The following FAT1 variants were observed in gnomAD, a reference collection of about 807,000 sequenced individuals.
FAT1 encodes the protein FAT atypical cadherin 1, also known as protocadherin Fat 1.
In FAT1, 171 loss-of-function variants were observed where a neutral mutation model predicts 329.8. That is an observed-to-expected ratio of 0.52 (90% CI 0.46 to 0.59). FAT1 has a LOEUF of 0.59. Among genes scored for constraint, FAT1 ranks in the 20% least tolerant of loss-of-function variants. The pLI is 0.00. For synonymous variants in FAT1, 2,233 were observed against 2,228.6 expected, an observed-to-expected ratio of 1.00 and a Z score of -0.06; for missense variants, 5,672 against 5,774.4, an observed-to-expected ratio of 0.98 and a Z score of 0.57.
Position 186,628,233 on chromosome 4 carries a change from A to T in FAT1, c.4731T>A (p.Val1577=), listed in dbSNP as rs1161559902. The change falls in exon 9 of 27, where the codon GTT becomes GTA. Residue 1577 remains valine (V), a synonymous_variant. Coordinates refer to ENST00000441802, the MANE Select transcript of FAT1 (RefSeq NM_005245.4). ...YKGRVYESAA[V]GSVVLQVTAL... is the part of the protein sequence containing the mutation. The stretch of plus-strand genomic sequence containing the variant: ...CCGTCACCTGCAACACAACTGAGCC[A>T]ACGGCTGCCGATTCATAAACCCGCC... 3.7e-6 allele frequency: 6 copies of T among 1,613,836 alleles called. No individual in the cohort carries two copies. The Admixed American group carries it at 1.0e-4, about 27-fold the overall frequency.
At chr4:186,668,262 G>A (rs148435510) in intron 2 of FAT1, among the ~76,000 whole-genome samples, 32 of 152,268 alleles carry the variant, frequency 2.1e-4, no homozygotes, top group African/African-American at 6.0e-4. Context: ...GCACTAGCCC[G>A]AGATCTCTAG....
chr4:186,617,909 C>T lies in FAT1; in HGVS notation c.8677G>A (p.Gly2893Ser), dbSNP rs2126489183. ...YQIKVVASDH[G>S]EKIQLSSTAI... ...GTGGAGGATAGCTGGATCTTTTCAC[C>T]ATGATCTGATGCAACCACTTTAATC... The change falls in exon 10 of 27, where the codon GGT becomes AGT. Residue 2893 changes from glycine to serine, a missense_variant. Gly to Ser is a moderately conservative substitution (Grantham distance 56, BLOSUM62 0). Transcript: ENST00000441802. 6.2e-7 allele frequency: 1 copy of T among 1,613,982 alleles called. No individual in the cohort carries two copies. The highest frequency in any genetic ancestry group is 8.5e-7 in the Non-Finnish European group (1 of 1,179,888).
At chr4:186,594,652 G>T (rs1738408274) in intron 26 of FAT1, among the ~76,000 whole-genome samples, 1 of 121,298 alleles carries the variant, frequency 8.2e-6, no homozygotes, top group African/African-American at 3.3e-5. Context: ...GGAATAGAGT[G>T]TGTATATATA....
rs1738516553 is a variant in FAT1 at position 186,596,507 on chromosome 4, G to T, written c.13000+33C>A. The T allele has an allele frequency of 6.3e-7, 1 of 1,584,490 alleles. No individual in the cohort carries two copies. The highest frequency in any genetic ancestry group is 1.2e-5 in the South Asian group (1 of 85,176). On this transcript the variant is annotated intron_variant, in intron 25 of 26. Coordinates refer to ENST00000441802, the MANE Select transcript of FAT1 (RefSeq NM_005245.4). This position sits in a 1 kb window ranked among gnomAD's most constrained non-coding sequence, Gnocchi z 4.7. ...TGTAACCTCACTGTTTATCTCAAGTGACACTTTAGTGAGATGAAAAAGTGG... is the reference window on the plus strand; with the variant it reads ...TGTAACCTCACTGTTTATCTCAAGTTACACTTTAGTGAGATGAAAAAGTGG...
At position 186,617,091 on chromosome 4, in the gene FAT1, T is replaced by A. The variant is rs376371650; in HGVS notation, c.8989A>T (p.Thr2997Ser). The part of the protein sequence containing the change: ...EKRDNYLLTI[T>S]ATDGTFSSKA... ...GATGAGAAGGTGCCATCAGTTGCCG[T>A]GATAGTAAGAAGGTAATTGTCCCTT... is the stretch of plus-strand genomic sequence containing the variant. The change falls in exon 11 of 27, where the codon ACG becomes TCG. Residue 2997 changes from threonine to serine, a missense_variant. Transcript: ENST00000441802. 12 of 1,613,892 alleles carry A rather than the reference T, an allele frequency of 7.4e-6. No individual in the cohort carries two copies. Among genetic ancestry groups the A allele is most frequent in the Admixed American group, 1.7e-5 (1 of 60,004 alleles).
chr4:186,604,622 C>G (rs1294989717), intron 17 of FAT1, 48 bp from the exon 18 acceptor site: 1 of 1,300,728 alleles, frequency 7.7e-7, no homozygotes, highest in South Asian at 1.3e-5. Context: ...GGAACACAGC[C>G]AAATCTATAT....
rs1024452482 is a variant in FAT1, at chr4:186,708,671, A to G, written c.1157T>C (p.Val386Ala). Reference sequence around the variant, plus strand: ...AGCAGGAATGGCCTTTACCATGACCACAGGTGTGTTGGGAGGAGCAAATTC... The same window carrying G: ...AGCAGGAATGGCCTTTACCATGACCGCAGGTGTGTTGGGAGGAGCAAATTC... ...ISEFAPPNTP[V>A]VMVKAIPAYS... Residue 386 changes from valine (V) to alanine (A), a missense_variant, in exon 2 of 27, where the codon GTG (valine) becomes GCG (alanine). Physicochemically the swap from Val to Ala is moderately conservative, Grantham distance 64. This residue lies in a region of FAT1 where 3,966 missense variants were observed against 3,915.2 expected (regional missense o/e 1.01). Coordinates refer to ENST00000441802, the MANE Select transcript of FAT1 (RefSeq NM_005245.4). 1 of 1,613,782 alleles carries G rather than the reference A, an allele frequency of 6.2e-7. No homozygotes were observed. The highest frequency in any genetic ancestry group is 1.7e-5 in the Admixed American group (1 of 59,990).
rs1393821688 is a variant in FAT1, at chr4:186,709,353, G to A, written c.475C>T (p.Pro159Ser). The change falls in exon 2 of 27, where the codon CCT (proline) becomes TCT (serine). Residue 159 changes from proline (P) to serine (S), a missense_variant. Pro to Ser is a moderately conservative substitution (Grantham distance 74). This residue lies in a region of FAT1 where 3,966 missense variants were observed against 3,915.2 expected (regional missense o/e 1.01). Transcript: ENST00000441802. Reference sequence around the variant, plus strand: ...CTGGTCCTTATAGCTGTGTTTTCAGGTAAAGAAACGCTGTATGAGGTGGGT... The same window carrying A: ...CTGGTCCTTATAGCTGTGTTTTCAGATAAAGAAACGCTGTATGAGGTGGGT... ...FSPTSYSVSL[P>S]ENTAIRTSIA... is the part of the protein sequence containing the mutation. 9 of 1,613,836 alleles carry A rather than the reference G, an allele frequency of 5.6e-6. No homozygotes were observed. The African/African-American group carries it at 1.1e-4, about 19-fold the overall frequency.
At chr4:186,647,535 ACTTT>A (rs1385045854) in intron 3 of FAT1, among the ~76,000 whole-genome samples, 1 of 152,106 alleles carries the variant, frequency 6.6e-6, no homozygotes, top group East Asian at 1.9e-4. Flanking sequence ...CAGTGATCTC[ACTTT>A]CTTCTAGGAT....
rs2126389932 is a variant in FAT1, at chr4:186,596,785, C to T, written c.12755G>A (p.Arg4252Gln). Residue 4252 changes from arginine (R) to glutamine (Q), a missense_variant, in exon 25 of 27, where the codon CGG becomes CAG. Transcript: ENST00000441802. The surrounding 1 kb of genome is among the most constrained non-coding windows in gnomAD (Gnocchi z 4.7). ...YSDIPPQVPV[R>Q]PISYTPSIPS... ...AATACTCGGGGTGTAGGAAATAGGC[C>T]GGACAGGCACCTGGGGTGGTATGTC... 1.9e-6 allele frequency: 3 copies of T among 1,613,904 alleles called. No homozygotes were observed. The highest frequency in any genetic ancestry group is 1.1e-5 in the South Asian group (1 of 91,076).
At chr4:186,628,838 A>G in intron 7 of FAT1, 75 bp from the exon 8 acceptor site, 2 of 1,408,458 alleles carry the variant, frequency 1.4e-6, no homozygotes, top group Non-Finnish European at 1.9e-6. Flanking sequence ...ACCATGAACG[A>G]AAGTCATGTA....
At chr4:186,590,509 G>T in intron 26 of FAT1, 1 of 633,984 alleles carries the variant, frequency 1.6e-6, no homozygotes, top group Non-Finnish European at 2.6e-6. Context: ...GCTTACAGAG[G>T]CCCAATCAGC....
At chr4:186,720,069 C>T (rs1364758644) in intron 1 of FAT1, among the ~76,000 whole-genome samples, 1 of 152,186 alleles carries the variant, frequency 6.6e-6, no homozygotes, top group African/African-American at 2.4e-5. Context: ...TATTTCAAAA[C>T]AAAAAGGCAT....
In FAT1 at chr4:186,705,843, G is replaced by A. The variant is rs570730347; in HGVS notation, c.3265+720C>T. Among the ~76,000 whole-genome samples the A allele has an allele frequency of 9.2e-5, 14 of 152,280 alleles. No homozygotes were observed. In the South Asian group the frequency reaches 1.9e-3, roughly 20 times the overall value. The stretch of plus-strand genomic sequence containing the variant: ...GCTACCATGAATAAACCTACCACAC[G>A]TCAGGAGTTTTCCCGTGTTATTTCA... On this transcript the variant is annotated intron_variant, in intron 2 of 26. Coordinates refer to ENST00000441802, the MANE Select transcript of FAT1 (RefSeq NM_005245.4).
chr4:186,678,157 G>T (rs748422723), intron 2 of FAT1, among the ~76,000 whole-genome samples: 73 of 151,998 alleles, frequency 4.8e-4, no homozygotes, highest in Non-Finnish European at 9.4e-4. Flanking sequence ...ACATCACAGG[G>T]ATATCAAGCA....
At chr4:186,610,970 A>T (rs1370374919) in intron 14 of FAT1, among the ~76,000 whole-genome samples, 1 of 151,924 alleles carries the variant, frequency 6.6e-6, no homozygotes, top group Non-Finnish European at 1.5e-5. Context: ...TATTATCAGA[A>T]GCCCACTACA....
chr4:186,597,169 C>T lies in FAT1; in HGVS notation c.12371G>A (p.Cys4124Tyr), dbSNP rs1385571833. 1 of 1,599,694 alleles carries T rather than the reference C, an allele frequency of 6.3e-7. No homozygotes were observed. The highest frequency in any genetic ancestry group is 2.2e-5 in the East Asian group (1 of 44,738). The change falls in exon 25 of 27, where the codon TGT becomes TAT. Residue 4124 changes from cysteine to tyrosine, a missense_variant and splice_region_variant. By Grantham distance (194) the Cys-to-Tyr change is radical. Transcript: ENST00000441802. ...QCDSGFRGERCQSDIDECSGN... is the reference protein window; with the variant it reads ...QCDSGFRGERYQSDIDECSGN... ...AGAGCACTCGTCGATATCACTCTGA[C>T]ACCTGCCAAGGAAGTCAGGAATGAG... is the stretch of plus-strand genomic sequence containing the variant.
At position 186,709,546 on chromosome 4, in the gene FAT1, G is replaced by A. The variant is rs2126704998; in HGVS notation, c.282C>T (p.Cys94=). ...CTCCTTTGGTCCTTATTCTTAGAAA[G>A]CAAAAGTCTCCGAGAATGTACTCTT... is the stretch of plus-strand genomic sequence containing the variant. ...KAEEYILGDF[C]FLRIRTKGGN... is the part of the protein sequence containing the mutation. Residue 94 remains cysteine, a synonymous_variant, in exon 2 of 27, where the codon TGC becomes TGT. Transcript: ENST00000441802. 1 of 1,613,934 alleles carries A rather than the reference G, an allele frequency of 6.2e-7. No homozygotes were observed.
intron 3 of FAT1, among the ~76,000 whole-genome samples, chr4:186,642,538 T>C (rs1163775068): frequency 3.3e-5 from 5 of 152,202 alleles, no homozygotes; most frequent in Non-Finnish European, 7.3e-5. Context: ...ACTGTAAACC[T>C]GAAAATGATA....
Sources: allele counts gnomAD v4.1 joint callset (sites outside exome capture counted in the v4.1 genomes callset), GRCh38; gene constraint gnomAD v4.1.1; regional missense constraint gnomAD v4.1.1; non-coding constraint Gnocchi (gnomAD v3.1); transcripts MANE v1.5; gene names NCBI Gene and HGNC (gene_info 2026-07-23, HGNC 2026-07-21).